ZBTB44: variants seen among roughly 807,000 people sequenced by gnomAD.
ZBTB44 encodes zinc finger and BTB domain-containing protein 44.
In ZBTB44, 15 loss-of-function variants were observed where a neutral mutation model predicts 54.0. That is an observed-to-expected ratio of 0.28 (90% CI 0.19 to 0.43). The LOEUF (loss-of-function observed/expected upper bound fraction) is 0.43. ZBTB44 is among the 20% of genes least tolerant of loss of function. ZBTB44 has a pLI of 1.00. For missense variants in ZBTB44, 487 were observed against 707.1 expected (o/e 0.69, Z 3.53); for synonymous variants, 230 against 250.1 (o/e 0.92, Z 0.76).
At chr11:130,293,015 C>T (rs1016193737) in intron 1 of ZBTB44, among the ~76,000 whole-genome samples, 51 of 152,278 alleles carry the variant, frequency 3.3e-4, no homozygotes, top group African/African-American at 1.2e-3. Context: ...ATTAGATTTA[C>T]ATGAGAACTC....
At position 130,228,705 on chromosome 11, in the gene ZBTB44, A is replaced by G. The variant is rs187903367; in HGVS notation, c.*3059T>C. On this transcript the variant is annotated 3_prime_UTR_variant, in exon 8 of 8. Coordinates refer to ENST00000357899, the MANE Select transcript of ZBTB44 (RefSeq NM_001301098.2). ...ACATTCATTTATGGGATGATTTTTC[A>G]TCTGTTTTATTGAATAATGAAATCT... The G allele has an allele frequency of 6.6e-6, 1 of 152,160 alleles. No homozygotes were observed. The highest frequency in any genetic ancestry group is 6.5e-5 in the Admixed American group (1 of 15,274). The allele number at this position is 152,160 out of a possible 1,614,324, so 9.4% of individuals were successfully genotyped here.
chr11:130,239,300 C>A, intron 3 of ZBTB44: 1 of 152,948 alleles, frequency 6.5e-6, no homozygotes, highest in Non-Finnish European at 1.5e-5. Flanking sequence ...CTGTCTTGGC[C>A]TTGTTAAATG....
chr11:130,283,776 G>A (rs1940713831), intron 1 of ZBTB44, among the ~76,000 whole-genome samples: 1 of 151,518 alleles, frequency 6.6e-6, no homozygotes, highest in Admixed American at 6.6e-5. Context: ...GATCCACCTG[G>A]CCAAAATGGT....
chr11:130,265,521 T>C (rs191236569), intron 1 of ZBTB44, among the ~76,000 whole-genome samples: 53 of 152,258 alleles, frequency 3.5e-4, no homozygotes, highest in African/African-American at 1.2e-3. Flanking sequence ...TTAAGTTTAG[T>C]GAGGAAGGCA....
chr11:130,274,955 T>G (rs1338361996), intron 1 of ZBTB44, among the ~76,000 whole-genome samples: 1 of 152,226 alleles, frequency 6.6e-6, no homozygotes, highest in East Asian at 1.9e-4. Flanking sequence ...TTTAAATGTT[T>G]GGTAGAATTC....
chr11:130,296,255 G>A lies in ZBTB44; in HGVS notation c.-57+18120C>T, dbSNP rs1941636238. 4.9e-6 allele frequency: 7 copies of A among 1,422,416 alleles called. No individual in the cohort carries two copies. In the East Asian group the frequency reaches 1.1e-4, roughly 23 times the overall value. The allele number at this position is 1,422,416 out of a possible 1,614,324, so 88.1% of individuals were successfully genotyped here. Reference sequence around the variant, plus strand: ...ATACAACAGTGGATGGTCTTGAGCAGGGATATGTTGTTTGTCCTTCTGAAA... The same window carrying A: ...ATACAACAGTGGATGGTCTTGAGCAAGGATATGTTGTTTGTCCTTCTGAAA... On this transcript the variant is annotated intron_variant, in intron 1 of 7. Transcript: ENST00000357899.
intron 1 of ZBTB44, among the ~76,000 whole-genome samples, chr11:130,289,425 T>G (rs1592042957): frequency 6.8e-6 from 1 of 146,008 alleles, no homozygotes; most frequent in East Asian, 2.0e-4. Context: ...GAGGTTGCAG[T>G]GAGCCGAGAT....
At position 130,261,269 on chromosome 11, in the gene ZBTB44, G is replaced by C; in HGVS notation, c.605C>G (p.Thr202Arg). The C allele has an allele frequency of 6.2e-7, 1 of 1,613,876 alleles. No individual in the cohort carries two copies. The highest frequency in any genetic ancestry group is 2.2e-5 in the East Asian group (1 of 44,876). Residue 202 changes from threonine to arginine, a missense_variant, in exon 2 of 8, where the codon ACA (threonine) becomes AGA (arginine). Coordinates refer to ENST00000357899, the MANE Select transcript of ZBTB44 (RefSeq NM_001301098.2). The surrounding 1 kb of genome is among the most constrained non-coding windows in gnomAD (Gnocchi z 4.8). ...AGAATTCAATACCTGGGGTGAGCTT[G>C]TTTGTGTGCCACACTTTACAGGACT... ...PESPVKCGTQ[T>R]SSPQVLNSSA...
chr11:130,272,163 C>T (rs570070426), intron 1 of ZBTB44, among the ~76,000 whole-genome samples: 3 of 151,598 alleles, frequency 2.0e-5, no homozygotes, highest in African/African-American at 7.3e-5. Context: ...ATCTGGGAGG[C>T]GGAGGTTGCG....
At chr11:130,307,331 A>G (rs1057212508) in intron 1 of ZBTB44, among the ~76,000 whole-genome samples, 6 of 151,890 alleles carry the variant, frequency 4.0e-5, no homozygotes, top group Non-Finnish European at 7.4e-5. Context: ...AGGCTGAGGC[A>G]GGAGAATGGC....
chr11:130,248,247 G>A (rs746491442), intron 2 of ZBTB44, among the ~76,000 whole-genome samples: 5 of 152,082 alleles, frequency 3.3e-5, no homozygotes, highest in Non-Finnish European at 4.4e-5. Flanking sequence ...CTTCAATACC[G>A]CAAGGAATTT....
intron 1 of ZBTB44, chr11:130,296,840 T>C: frequency 1.3e-6 from 1 of 743,142 alleles, no homozygotes; most frequent in Non-Finnish European, 2.5e-6. Flanking sequence ...AACAGATCTT[T>C]AATGTAAATA....
At chr11:130,238,678 A>G in intron 3 of ZBTB44, 71 bp from the exon 4 acceptor site, 1 of 1,357,668 alleles carries the variant, frequency 7.4e-7, no homozygotes, top group East Asian at 2.7e-5. Context: ...CTATAGGTCA[A>G]TTTTAAATGA....
chr11:130,249,738 G>A (rs1192167462), intron 2 of ZBTB44, among the ~76,000 whole-genome samples: 1 of 152,198 alleles, frequency 6.6e-6, no homozygotes, highest in Non-Finnish European at 1.5e-5. Context: ...CAGATACTAC[G>A]CTTTTCCCAC....
At position 130,236,841 on chromosome 11, in the gene ZBTB44, C is replaced by A. The variant is rs1380530581; in HGVS notation, c.1520G>T (p.Arg507Met). The A allele has an allele frequency of 6.8e-7, 1 of 1,466,282 alleles. No individual in the cohort carries two copies. The highest frequency in any genetic ancestry group is 9.0e-7 in the Non-Finnish European group (1 of 1,110,518). The allele number at this position is 1,466,282 out of a possible 1,614,324, so 90.8% of individuals were successfully genotyped here. A position where few individuals can be genotyped will look rare whatever the true frequency, so the allele number is the denominator to read the frequency against. ...TNSGNLIVHL[R>M]SLNHEASELA... ...CTCTGATGCTTCATGGTTCAGACTC[C>A]TCAGGTGCACGATTAAATTTCCAGA... The change falls in exon 5 of 8, where the codon AGG becomes ATG. Residue 507 changes from arginine to methionine, a missense_variant. By Grantham distance (91) the Arg-to-Met change is moderately conservative. Transcript: ENST00000357899.
At chr11:130,252,661 C>G (rs1938115703) in intron 2 of ZBTB44, among the ~76,000 whole-genome samples, 1 of 152,104 alleles carries the variant, frequency 6.6e-6, no homozygotes, top group African/African-American at 2.4e-5. Context: ...GGTACCATTC[C>G]TTCTGAAACT....
rs1592098203 is a variant in ZBTB44, at chr11:130,314,376, T to G, written c.-58A>C. ...AGCCCGCCCTCCCCTCCCCGTTACC[T>G]GCGGGCGGCGGCGCCGGGCCCGGAG... On this transcript the variant is annotated splice_region_variant and 5_prime_UTR_variant, in exon 1 of 8. Coordinates refer to ENST00000357899, the MANE Select transcript of ZBTB44 (RefSeq NM_001301098.2). 6.5e-6 allele frequency: 1 copy of G among 153,068 alleles called. No homozygotes were observed. The highest frequency in any genetic ancestry group is 1.5e-5 in the Non-Finnish European group (1 of 68,170). The allele number at this position is 153,068 out of a possible 1,614,324, so 9.5% of individuals were successfully genotyped here.
chr11:130,284,758 C>G (rs978216269), intron 1 of ZBTB44, among the ~76,000 whole-genome samples: 3 of 152,066 alleles, frequency 2.0e-5, no homozygotes, highest in Non-Finnish European at 4.4e-5. Flanking sequence ...CCCAGCTACT[C>G]TGGAGACTGA....
chr11:130,245,751 T>G (rs113604444), intron 2 of ZBTB44, among the ~76,000 whole-genome samples: 257 of 140,768 alleles, frequency 1.8e-3, no homozygotes, highest in African/African-American at 6.2e-3. Context: ...GACTGGCATC[T>G]GCTTCTCACT....
Sources: gnomAD v4.1 joint callset for allele counts (sites outside exome capture counted in the v4.1 genomes callset) on GRCh38, gnomAD v4.1.1 for gene constraint, Gnocchi (gnomAD v3.1) non-coding constraint, MANE v1.5 for transcripts, NCBI Gene and HGNC (gene_info 2026-07-23, HGNC 2026-07-21) for gene names.